Variants in FBLN2 observed in about 807,000 individuals in gnomAD.
FBLN2 encodes the protein fibulin-2.
FBLN2 carries 81 observed loss-of-function variants against 123.7 expected under a neutral mutation model. The observed-to-expected ratio is 0.65, with a 90% CI of 0.55 to 0.79. The LOEUF (loss-of-function observed/expected upper bound fraction) is 0.79, where lower values mean the gene tolerates loss of function less well. Among genes scored for constraint, FBLN2 ranks in the 30% least tolerant of loss-of-function variants. The probability of loss-of-function intolerance (pLI) is 0.00; values close to 1 mark genes in which losing one functional copy is unlikely to be tolerated. For synonymous variants in FBLN2, 699 were observed against 701.4 expected, an observed-to-expected ratio of 1.00 and a Z score of 0.05; for missense variants, 1,603 against 1,681.3, an observed-to-expected ratio of 0.95 and a Z score of 0.81.
intron 4 of FBLN2, among the ~76,000 whole-genome samples, chr3:13,612,458 G>T (rs1386022589): frequency 6.6e-6 from 1 of 151,900 alleles, no homozygotes; most frequent in Non-Finnish European, 1.5e-5. Flanking sequence ...TCAGCTCACT[G>T]CAAGCTCCGC....
intron 9 of FBLN2, among the ~76,000 whole-genome samples, chr3:13,624,345 A>C (rs1352198200): frequency 6.9e-6 from 1 of 144,180 alleles, no homozygotes. Context: ...TGTTGTTACC[A>C]TAATTCCTCC....
In FBLN2 at chr3:13,570,882, G is replaced by C. The variant is rs1243296440; in HGVS notation, c.527G>C (p.Gly176Ala). 3.7e-6 allele frequency: 6 copies of C among 1,611,930 alleles called. No individual in the cohort carries two copies. Among genetic ancestry groups the C allele is most frequent in the Middle Eastern group, 1.7e-4 (1 of 6,058 alleles). The change falls in exon 2 of 18, where the codon GGT (glycine) becomes GCT (alanine). Residue 176 changes from glycine to alanine, a missense_variant. Coordinates refer to ENST00000404922, the MANE Select transcript of FBLN2 (RefSeq NM_001004019.2). ...GAGCTCATCTGCTACCAGCTCCCCG[G>C]TTGCCACGGGAACTTCTCAGATGCC... ...GGELICYQLP[G>A]CHGNFSDAEE...
chr3:13,619,745 A>G lies in FBLN2; in HGVS notation c.2069A>G (p.Lys690Arg). 2.5e-6 allele frequency: 4 copies of G among 1,613,420 alleles called. No individual in the cohort carries two copies. The highest frequency in any genetic ancestry group is 3.4e-6 in the Non-Finnish European group (4 of 1,179,582). ...PNTCKDNGPC[K>R]QVCSTVGGSA... is the part of the protein sequence containing the mutation. ...TTTCCTCCAGACAATGGACCCTGCA[A>G]GCAGGTGTGCAGCACTGTTGGGGGC... The change falls in exon 8 of 18, where the codon AAG (lysine) becomes AGG (arginine). Residue 690 changes from lysine (K) to arginine (R), a missense_variant. Coordinates refer to ENST00000404922, the MANE Select transcript of FBLN2 (RefSeq NM_001004019.2).
At position 13,580,217 on chromosome 3, in the gene FBLN2, TGCTGGCTGGCTCA is replaced by T. The variant is rs201853883; in HGVS notation, c.1306+8560_1306+8572del. ...ATGCCTGTGCATTTCAGTTGAGAGG[TGCTGGCTGGCTCA>T]GCTCTAGGAGATATGGATGTAATTT... On this transcript the variant is annotated intron_variant, in intron 2 of 17. Coordinates refer to ENST00000404922, the MANE Select transcript of FBLN2 (RefSeq NM_001004019.2). 1.5e-4 allele frequency among the ~76,000 whole-genome samples: 23 copies of T among 152,314 alleles called. No individual in the cohort carries two copies. In the East Asian group the frequency reaches 4.0e-3, roughly 27 times the overall value.
intron 16 of FBLN2, 96 bp downstream of exon 16, chr3:13,631,553 A>T: frequency 7.2e-7 from 1 of 1,392,368 alleles, no homozygotes; most frequent in Non-Finnish European, 9.6e-7. Context: ...GTGCACTTGG[A>T]GCCCCCACAC....
In FBLN2 at chr3:13,635,276, G is replaced by C. The variant is rs111644021; in HGVS notation, c.3215-1169G>C. 6.0e-3 allele frequency among the ~76,000 whole-genome samples: 918 copies of C among 152,036 alleles called. 18 individuals carry two copies. The highest frequency in any genetic ancestry group is 0.021 in the African/African-American group (882 of 41,458). ...CCCCTACCCCACGGGACTTTCTGGAGGCCTCCTGAGGCGGCCCTCTCTGGG... is the reference window on the plus strand; with the variant it reads ...CCCCTACCCCACGGGACTTTCTGGACGCCTCCTGAGGCGGCCCTCTCTGGG... On this transcript the variant is annotated intron_variant, in intron 16 of 17. Coordinates refer to ENST00000404922, the MANE Select transcript of FBLN2 (RefSeq NM_001004019.2).
intron 1 of FBLN2, among the ~76,000 whole-genome samples, chr3:13,549,895 A>G (rs976667274): frequency 2.6e-5 from 4 of 151,824 alleles, no homozygotes; most frequent in Non-Finnish European, 5.9e-5. Flanking sequence ...GCACATTGGC[A>G]CCCCTCCGAG....
At chr3:13,606,649 A>C (rs1253658622) in intron 2 of FBLN2, among the ~76,000 whole-genome samples, 3 of 142,382 alleles carry the variant, frequency 2.1e-5, no homozygotes, top group African/African-American at 7.9e-5. Flanking sequence ...TATATATATT[A>C]TATACTGTAT....
At chr3:13,623,530 T>C (rs1705926714) in intron 9 of FBLN2, among the ~76,000 whole-genome samples, 1 of 152,234 alleles carries the variant, frequency 6.6e-6, no homozygotes, top group Non-Finnish European at 1.5e-5. Context: ...GTCGTGTTAG[T>C]ACCTGCCGCG....
chr3:13,562,994 G>A (rs963430982), intron 1 of FBLN2, among the ~76,000 whole-genome samples: 2 of 152,322 alleles, frequency 1.3e-5, no homozygotes, highest in East Asian at 3.9e-4. Context: ...ATGTTGCATT[G>A]TATGGAATAT....
At chr3:13,582,864 G>A (rs1275902984) in intron 2 of FBLN2, among the ~76,000 whole-genome samples, 2 of 152,228 alleles carry the variant, frequency 1.3e-5, no homozygotes, top group Non-Finnish European at 2.9e-5. Context: ...TTGTGTTCTT[G>A]TTTCTTCAAA....
rs1239641901 is a variant in FBLN2, at chr3:13,629,978, C to T, written c.2968+33C>T. On this transcript the variant is annotated intron_variant, in intron 14 of 17. Transcript: ENST00000404922. ...GGCCCTCATCTCTGACCCTATGCCG[C>T]CTGGTATCTGTAGTGGGCAGACCCG... The T allele has an allele frequency of 3.1e-6, 5 of 1,606,514 alleles. No homozygotes were observed. In the South Asian group the frequency reaches 3.3e-5, roughly 11 times the overall value.
intron 4 of FBLN2, among the ~76,000 whole-genome samples, chr3:13,611,466 G>A (rs28398357): frequency 0.033 from 5,032 of 152,044 alleles, 121 homozygotes; most frequent in African/African-American, 0.067. Context: ...CCACCATTCC[G>A]CTTTCTGTCT....
At position 13,634,303 on chromosome 3, in the gene FBLN2, C is replaced by T. The variant is rs542466099; in HGVS notation, c.3215-2142C>T. Among the ~76,000 whole-genome samples, 151 of 152,372 alleles carry T rather than the reference C, an allele frequency of 9.9e-4. 4 individuals carry two copies. The South Asian group carries it at 0.029, about 29-fold the overall frequency. ...TGGATACGGGGCCTAGTCCAGCTCC[C>T]ACGTTAGCCTGCGCTCTCCAGGGGC... On this transcript the variant is annotated intron_variant, in intron 16 of 17. Transcript: ENST00000404922.
intron 4 of FBLN2, among the ~76,000 whole-genome samples, chr3:13,609,929 A>T (rs1027928486): frequency 2.6e-5 from 4 of 152,202 alleles, no homozygotes; most frequent in African/African-American, 9.7e-5. Flanking sequence ...CCTCCCAGGG[A>T]TTTCTTTCTG....
chr3:13,618,312 G>T, intron 6 of FBLN2, 27 bp downstream of exon 6: 2 of 1,610,508 alleles, frequency 1.2e-6, no homozygotes, highest in Non-Finnish European at 1.7e-6. Context: ...CCAGGGCAGG[G>T]GCTATGGGAA....
chr3:13,576,369 C>T (rs991702952), intron 2 of FBLN2, among the ~76,000 whole-genome samples: 1 of 152,244 alleles, frequency 6.6e-6, no homozygotes, highest in Non-Finnish European at 1.5e-5. Context: ...CAAGTCCATA[C>T]TGGTTCATCT....
intron 1 of FBLN2, among the ~76,000 whole-genome samples, chr3:13,555,859 C>T (rs745947954): frequency 2.6e-5 from 4 of 152,202 alleles, no homozygotes; most frequent in Admixed American, 6.5e-5. Flanking sequence ...CAGAGGGATT[C>T]GCGGGGACAT....
At chr3:13,584,415 C>T (rs891725358) in intron 2 of FBLN2, among the ~76,000 whole-genome samples, 1 of 152,172 alleles carries the variant, frequency 6.6e-6, no homozygotes, top group African/African-American at 2.4e-5. Context: ...TCTGCCCAGA[C>T]CTCCCATCCC....
Sources: allele counts gnomAD v4.1 joint callset (sites outside exome capture counted in the v4.1 genomes callset), GRCh38; gene constraint gnomAD v4.1.1; transcripts MANE v1.5; gene names NCBI Gene and HGNC (gene_info 2026-07-23, HGNC 2026-07-21).